SOX5: variants seen among roughly 807,000 people sequenced by gnomAD.
SOX5 encodes the protein transcription factor SOX-5.
In SOX5, 9 loss-of-function variants were observed where a neutral mutation model predicts 92.0. The observed-to-expected ratio is 0.10, with a 90% confidence interval of 0.06 to 0.17. SOX5 has a LOEUF of 0.17. Among genes scored for constraint, SOX5 ranks in the 10% least tolerant of loss-of-function variants. The pLI is 1.00. For missense variants in SOX5, 642 were observed against 944.5 expected (o/e 0.68, Z 4.20); for synonymous variants, 344 against 336.3 (o/e 1.02, Z -0.25).
intron 5 of SOX5, among the ~76,000 whole-genome samples, chr12:23,740,179 G>C (rs983687466): frequency 5.3e-5 from 8 of 152,104 alleles, no homozygotes; most frequent in African/African-American, 1.9e-4. Context: ...CCTCCAACTG[G>C]ACAACTTGAC....
At chr12:23,626,908 T>C (rs538507236) in intron 8 of SOX5, among the ~76,000 whole-genome samples, 9 of 152,034 alleles carry the variant, frequency 5.9e-5, no homozygotes, top group Non-Finnish European at 1.3e-4. Flanking sequence ...CCTTAAGCAG[T>C]AGGATATAAA....
At chr12:23,545,203 A>T (rs1942878802) in intron 12 of SOX5, among the ~76,000 whole-genome samples, 1 of 152,182 alleles carries the variant, frequency 6.6e-6, no homozygotes, top group Admixed American at 6.5e-5. Flanking sequence ...TGGAGGATTC[A>T]AGGGGACCCC....
At chr12:24,162,020 G>A (rs1433717212) in intron 4 of SOX5, among the ~76,000 whole-genome samples, 1 of 152,070 alleles carries the variant, frequency 6.6e-6, no homozygotes, top group African/African-American at 2.4e-5. Flanking sequence ...GGGCAATGCT[G>A]AAGACATTTT....
intron 2 of SOX5, among the ~76,000 whole-genome samples, chr12:23,860,952 T>TAAAAAAAAAAAAAAAAA (rs71059935): frequency 7.4e-4 from 34 of 45,772 alleles, no homozygotes; most frequent in South Asian, 2.7e-3. Context: ...GTATATTTTG[T>TAAAAAAAAAAAAAAAAA]AAAAAAAAAA....
At chr12:24,196,885 A>T (rs1372917666) in intron 4 of SOX5, among the ~76,000 whole-genome samples, 1 of 152,212 alleles carries the variant, frequency 6.6e-6, no homozygotes, top group Non-Finnish European at 1.5e-5. Context: ...CCTGGGTAAC[A>T]GAGCTAAACC....
At chr12:24,190,033 A>G (rs1956373224) in intron 4 of SOX5, among the ~76,000 whole-genome samples, 1 of 152,190 alleles carries the variant, frequency 6.6e-6, no homozygotes, top group Non-Finnish European at 1.5e-5. Flanking sequence ...TGTTTCATGT[A>G]GACAATGAGA....
At chr12:24,208,822 A>G (rs1189891824) in intron 4 of SOX5, among the ~76,000 whole-genome samples, 2 of 152,198 alleles carry the variant, frequency 1.3e-5, no homozygotes, top group Non-Finnish European at 2.9e-5. Flanking sequence ...ACAACCAAAA[A>G]AATGGGGTGA....
At chr12:24,310,259 C>T (rs1421110940) in intron 2 of SOX5, among the ~76,000 whole-genome samples, 1 of 152,136 alleles carries the variant, frequency 6.6e-6, no homozygotes, top group Non-Finnish European at 1.5e-5. Context: ...TAAACAATAT[C>T]TATCAATAAC....
intron 2 of SOX5, among the ~76,000 whole-genome samples, chr12:24,349,212 T>C (rs1340619469): frequency 6.6e-6 from 1 of 152,206 alleles, no homozygotes; most frequent in African/African-American, 2.4e-5. Context: ...AAACAATTCA[T>C]CTAACTCATC....
At chr12:24,019,921 T>C (rs1954094631) in intron 4 of SOX5, among the ~76,000 whole-genome samples, 2 of 152,342 alleles carry the variant, frequency 1.3e-5, no homozygotes, top group African/African-American at 4.8e-5. Context: ...GGGAAAAAAG[T>C]TATTACTAAA....
At chr12:23,776,559 T>C (rs763900109) in intron 3 of SOX5, among the ~76,000 whole-genome samples, 4 of 152,140 alleles carry the variant, frequency 2.6e-5, no homozygotes, top group Non-Finnish European at 4.4e-5. Flanking sequence ...TATTTGAGGT[T>C]CCCTTAGAGC....
chr12:24,473,721 G>T (rs2137674023), intron 1 of SOX5, among the ~76,000 whole-genome samples: 1 of 152,270 alleles, frequency 6.6e-6, no homozygotes, highest in East Asian at 1.9e-4. Flanking sequence ...TCTGATTAGA[G>T]TTGGCCCTCA....
chr12:23,854,655 A>T (rs2096668016), intron 2 of SOX5, among the ~76,000 whole-genome samples: 2 of 152,118 alleles, frequency 1.3e-5, no homozygotes, highest in Non-Finnish European at 2.9e-5. Flanking sequence ...AATGTTTTGA[A>T]CACTAACTTG....
intron 4 of SOX5, among the ~76,000 whole-genome samples, chr12:24,003,988 AC>A (rs1373536152): frequency 6.6e-6 from 1 of 152,052 alleles, no homozygotes; most frequent in Non-Finnish European, 1.5e-5. Flanking sequence ...CCTACCATCA[AC>A]CCTTACATTT....
intron 1 of SOX5, among the ~76,000 whole-genome samples, chr12:24,370,204 G>A (rs1006094522): frequency 3.9e-5 from 6 of 152,176 alleles, no homozygotes; most frequent in Admixed American, 2.6e-4. Flanking sequence ...GCCGTGCGCG[G>A]TGGCTCACGC....
At chr12:23,994,022 G>T (rs1043458942) in intron 4 of SOX5, among the ~76,000 whole-genome samples, 1 of 152,036 alleles carries the variant, frequency 6.6e-6, no homozygotes, top group East Asian at 1.9e-4. Context: ...GCTGAGATGG[G>T]AGAATCATTT....
intron 3 of SOX5, among the ~76,000 whole-genome samples, chr12:24,216,856 C>T (rs1959192919): frequency 6.6e-6 from 1 of 150,992 alleles, no homozygotes; most frequent in Non-Finnish European, 1.5e-5. Flanking sequence ...TTTAGCTGGG[C>T]AGCAGAGGTT....
At chr12:23,767,922 T>A (rs2094793395) in intron 3 of SOX5, among the ~76,000 whole-genome samples, 1 of 152,084 alleles carries the variant, frequency 6.6e-6, no homozygotes, top group African/African-American at 2.4e-5. Flanking sequence ...TTTAGTATAG[T>A]TAATGTATGA....
chr12:24,460,036 T>C (rs746227985), intron 1 of SOX5, among the ~76,000 whole-genome samples: 3 of 152,224 alleles, frequency 2.0e-5, no homozygotes, highest in Non-Finnish European at 4.4e-5. Flanking sequence ...AAATTGTGTC[T>C]GCATCAATGT....
Sources: allele counts gnomAD v4.1 joint callset (sites outside exome capture counted in the v4.1 genomes callset), GRCh38; gene constraint gnomAD v4.1.1; transcripts MANE v1.5; gene names NCBI Gene and HGNC (gene_info 2026-07-23, HGNC 2026-07-21).